Variants in SBNO2 observed in about 807,000 individuals in gnomAD.
The protein encoded by SBNO2 is protein strawberry notch homolog 2.
A neutral mutation model predicts 146.3 loss-of-function variants in SBNO2; 89 were observed. The ratio of observed to expected loss-of-function variants is 0.61; its 90% CI spans 0.51 to 0.73. The LOEUF (loss-of-function observed/expected upper bound fraction) is 0.73. Ranked by LOEUF, SBNO2 falls within the 30% of genes least tolerant of loss-of-function variation. The pLI is 0.00. For synonymous variants in SBNO2, 1,147 were observed against 892.6 expected (o/e 1.29, Z -5.08); for missense variants, 2,092 against 2,003.7 (o/e 1.04, Z -0.84).
At chr19:1,119,429 G>T in intron 13 of SBNO2, 87 bp downstream of exon 13, 1 of 1,078,928 alleles carries the variant, frequency 9.3e-7, no homozygotes, top group Non-Finnish European at 1.4e-6. Context: ...GGAAGCACAC[G>T]TGGCAGTGCC....
intron 12 of SBNO2, 63 bp downstream of exon 12, chr19:1,119,843 C>T (rs1568572040): frequency 3.8e-6 from 5 of 1,301,040 alleles, no homozygotes; most frequent in Middle Eastern, 2.2e-4. Flanking sequence ...TACCCCTTCG[C>T]GGGGACAGCC....
intron 4 of SBNO2, among the ~76,000 whole-genome samples, chr19:1,130,825 T>A (rs992298720): frequency 4.6e-5 from 7 of 152,174 alleles, no homozygotes; most frequent in African/African-American, 1.7e-4. Context: ...AGTCTAATAA[T>A]GAGGGAGTGC....
At chr19:1,127,155 G>A (rs1221755443) in intron 5 of SBNO2, among the ~76,000 whole-genome samples, 1 of 152,216 alleles carries the variant, frequency 6.6e-6, no homozygotes, top group African/African-American at 2.4e-5. Context: ...TCCTCTGCCT[G>A]GACAGCCACA....
At position 1,117,649 on chromosome 19, in the gene SBNO2, G is replaced by C. The variant is rs191378344; in HGVS notation, c.1528-150C>G. The C allele has an allele frequency of 1.2e-3, 930 of 790,644 alleles. 4 individuals carry two copies. Among genetic ancestry groups the C allele is most frequent in the Middle Eastern group, 0.012 (31 of 2,686 alleles). The allele number at this position is 790,644 out of a possible 1,614,324, so 49.0% of individuals were successfully genotyped here. A position where few individuals can be genotyped will look rare whatever the true frequency, so the allele number is the denominator to read the frequency against. Reference sequence around the variant, plus strand: ...GGGGTGCTGGGGGTGTGCACTGTAAGAGGCACTGCCTCTACCTGTACGGCA... The same window carrying C: ...GGGGTGCTGGGGGTGTGCACTGTAACAGGCACTGCCTCTACCTGTACGGCA... On this transcript the variant is annotated intron_variant, in intron 14 of 31. Coordinates refer to ENST00000361757, the MANE Select transcript of SBNO2 (RefSeq NM_014963.3).
intron 3 of SBNO2, among the ~76,000 whole-genome samples, chr19:1,147,823 G>C (rs999049441): frequency 2.0e-5 from 3 of 152,066 alleles, no homozygotes. Context: ...CGCCTCGAAG[G>C]AGGAGAGCGC....
intron 19 of SBNO2, 87 bp downstream of exon 19, chr19:1,113,448 G>A (rs1408983046): frequency 2.5e-6 from 3 of 1,183,550 alleles, no homozygotes; most frequent in Non-Finnish European, 3.5e-6. Context: ...ACCAGCAGGG[G>A]CCACCAGAGC....
chr19:1,132,295 C>T (rs1001762371), intron 4 of SBNO2: 8 of 1,309,940 alleles, frequency 6.1e-6, no homozygotes, highest in Non-Finnish European at 7.8e-6. Context: ...CCGCCGCCGG[C>T]GCCTACTTCC....
At chr19:1,130,271 C>T (rs1439107715) in intron 4 of SBNO2, among the ~76,000 whole-genome samples, 1 of 152,094 alleles carries the variant, frequency 6.6e-6, no homozygotes, top group African/African-American at 2.4e-5. Context: ...GCAGGGAGCC[C>T]GGGAGTGGGT....
At chr19:1,151,864 T>C (rs894515155) in intron 2 of SBNO2, among the ~76,000 whole-genome samples, 9 of 152,200 alleles carry the variant, frequency 5.9e-5, no homozygotes, top group African/African-American at 2.2e-4. Context: ...GATTTCATCA[T>C]GTTGGCCAGG....
chr19:1,146,061 C>T (rs538528209), intron 4 of SBNO2, among the ~76,000 whole-genome samples: 22 of 152,288 alleles, frequency 1.4e-4, no homozygotes, highest in African/African-American at 5.1e-4. Context: ...CCTGTGGCCA[C>T]ACCGCCCCAG....
rs1443105275 is a variant in SBNO2, at chr19:1,108,019, C to G, written c.*201G>C. 2.4e-6 allele frequency: 1 copy of G among 424,484 alleles called. No homozygotes were observed. The highest frequency in any genetic ancestry group is 4.8e-5 in the Admixed American group (1 of 20,666). 26.3% of individuals were successfully genotyped at this position (424,484 alleles called of 1,614,324 possible). A position where few individuals can be genotyped will look rare whatever the true frequency, so the allele number is the denominator to read the frequency against. ...AGGAGAGGCACAGAGAGGGCCCTGCCACGCCCCGGCCCCCAGCTGTCCTGA... is the reference window on the plus strand; with the variant it reads ...AGGAGAGGCACAGAGAGGGCCCTGCGACGCCCCGGCCCCCAGCTGTCCTGA... On this transcript the variant is annotated 3_prime_UTR_variant, in exon 32 of 32. Transcript: ENST00000361757.
intron 4 of SBNO2, among the ~76,000 whole-genome samples, chr19:1,146,882 G>A (rs930841465): frequency 2.0e-5 from 3 of 152,100 alleles, no homozygotes; most frequent in Non-Finnish European, 4.4e-5. Context: ...AGAAGGAGGT[G>A]GAAAGTTCTG....
rs1167658821 is a variant in SBNO2 at position 1,110,626 on chromosome 19, C to T, written c.3028+119G>A. The T allele has an allele frequency of 2.5e-5, 32 of 1,294,644 alleles. No individual in the cohort carries two copies. Among genetic ancestry groups the T allele is most frequent in the Non-Finnish European group, 2.4e-5 (23 of 966,966 alleles). 80.2% of individuals were successfully genotyped at this position (1,294,644 alleles called of 1,614,324 possible). On this transcript the variant is annotated intron_variant, in intron 26 of 31. Coordinates refer to ENST00000361757, the MANE Select transcript of SBNO2 (RefSeq NM_014963.3). This position sits in a 1 kb window ranked among gnomAD's most constrained non-coding sequence, Gnocchi z 4.9. ...GGGATGCACGGTGTTCCCACGAGCC[C>T]CTCGCCCACCCGGGATGCCCGGTGT... is the stretch of plus-strand genomic sequence containing the variant.
In SBNO2 at chr19:1,108,926, G is replaced by A. The variant is rs1402029426; in HGVS notation, c.3469C>T (p.Gln1157Ter). ...TAGTGGTGCCGCAGCCGCAGCCCCT[G>A]CAGGCAGTCCTTACCCTCCTGCGCC... ...RLAQEGKDCL[Q>*]GLRLRHHYML... is the part of the protein sequence containing the mutation. The change falls in exon 31 of 32, where the codon CAG becomes TAG. Residue 1157 changes from glutamine (Q) to a stop codon, truncating the protein, a stop_gained. Transcript: ENST00000361757. LOFTEE classifies it high-confidence loss of function. 1 of 1,573,300 alleles carries A rather than the reference G, an allele frequency of 6.4e-7. No homozygotes were observed. Among genetic ancestry groups the A allele is most frequent in the Non-Finnish European group, 8.6e-7 (1 of 1,167,460 alleles).
At chr19:1,170,765 C>T (rs780323797) in intron 1 of SBNO2, among the ~76,000 whole-genome samples, 1 of 152,084 alleles carries the variant, frequency 6.6e-6, no homozygotes, top group Non-Finnish European at 1.5e-5. Flanking sequence ...GCATAACGGA[C>T]ACAGGTGCAC....
chr19:1,127,508 T>C, intron 5 of SBNO2, 96 bp downstream of exon 5: 1 of 1,150,516 alleles, frequency 8.7e-7, no homozygotes, highest in South Asian at 1.3e-5. Context: ...GCACGCAGAG[T>C]GGGGGAGACT....
At chr19:1,132,909 G>C (rs981677616) in intron 4 of SBNO2, among the ~76,000 whole-genome samples, 19 of 152,238 alleles carry the variant, frequency 1.2e-4, no homozygotes, top group African/African-American at 4.3e-4. Flanking sequence ...CCTGGGAAAA[G>C]AACGTTCTCG....
Position 1,110,563 on chromosome 19 carries a change from T to C in SBNO2, c.3028+182A>G, listed in dbSNP as rs562921820. 144 of 504,198 alleles carry C rather than the reference T, an allele frequency of 2.9e-4. 3 individuals carry two copies. Among genetic ancestry groups the C allele is most frequent in the Admixed American group, 1.2e-3 (25 of 20,804 alleles). 31.2% of individuals were successfully genotyped at this position (504,198 alleles called of 1,614,324 possible). On this transcript the variant is annotated intron_variant, in intron 26 of 31. Transcript: ENST00000361757. This position sits in a 1 kb window ranked among gnomAD's most constrained non-coding sequence, Gnocchi z 4.9. ...TGTTCCCACGAGCCCCGAGCCCACC[T>C]GGGATGCCCGGCGTTCCCACGAGCC... is the stretch of plus-strand genomic sequence containing the variant.
chr19:1,173,403 C>T lies in SBNO2; in HGVS notation c.-127+769G>A, dbSNP rs771754767. On this transcript the variant is annotated intron_variant, in intron 1 of 31. Transcript: ENST00000361757. The surrounding 1 kb of genome is among the most constrained non-coding windows in gnomAD (Gnocchi z 4.7). ...TCCGCCCAGACGGCCCCGGGGTCAC[C>T]TAATATCAGCAAGCCCCCATCCCAA... 1.3e-5 allele frequency among the ~76,000 whole-genome samples: 2 copies of T among 152,226 alleles called. No homozygotes were observed. The highest frequency in any genetic ancestry group is 2.4e-5 in the African/African-American group (1 of 41,460).
Sources: allele counts gnomAD v4.1 joint callset (sites outside exome capture counted in the v4.1 genomes callset), GRCh38; gene constraint gnomAD v4.1.1; non-coding constraint Gnocchi (gnomAD v3.1); transcripts MANE v1.5; gene names NCBI Gene and HGNC (gene_info 2026-07-23, HGNC 2026-07-21).